RFX1: variants seen among roughly 807,000 people sequenced by gnomAD.
RFX1 encodes the protein regulatory factor X1, also known as MHC class II regulatory factor RFX1.
In RFX1, 42 loss-of-function variants were observed where a neutral mutation model predicts 119.6. The observed-to-expected ratio is 0.35, with a 90% CI of 0.27 to 0.45. RFX1 has a LOEUF of 0.45. Among genes scored for constraint, RFX1 ranks in the 20% least tolerant of loss-of-function variants. The pLI is 1.00. For synonymous variants in RFX1, 628 were observed against 618.5 expected (o/e 1.02, Z -0.23); for missense variants, 1,118 against 1,368.1 (o/e 0.82, Z 2.88).
intron 9 of RFX1, among the ~76,000 whole-genome samples, chr19:13,970,472 G>A (rs1175022808): frequency 6.6e-6 from 1 of 151,480 alleles, no homozygotes. Flanking sequence ...CCCAGGCTGG[G>A]CAACATAGGG....
chr19:13,963,233 G>A lies in RFX1; in HGVS notation c.2613C>T (p.Ser871=), dbSNP rs1973772049. The A allele has an allele frequency of 6.2e-7, 1 of 1,612,346 alleles. No homozygotes were observed. Among genetic ancestry groups the A allele is most frequent in the Non-Finnish European group, 8.5e-7 (1 of 1,179,474 alleles). The change falls in exon 19 of 21, where the codon AGC becomes AGT. Residue 871 remains serine (S), a synonymous_variant. Transcript: ENST00000254325. ...GCCGGATGAGGTGGAAGGAACCGAA[G>A]CTGGCGGCGCTGCGCAGGGTCAGGT... is the stretch of plus-strand genomic sequence containing the variant. ...IRDLTLRSAA[S]FGSFHLIRLL...
intron 1 of RFX1, among the ~76,000 whole-genome samples, chr19:14,002,314 C>CA (rs753879311): frequency 0.027 from 1,519 of 55,476 alleles, 38 homozygotes; most frequent in African/African-American, 0.061. Flanking sequence ...GACTCTGTCT[C>CA]AAAAAAAAAA....
chr19:13,993,276 C>G (rs760432676), intron 2 of RFX1, among the ~76,000 whole-genome samples: 9 of 152,078 alleles, frequency 5.9e-5, no homozygotes, highest in Non-Finnish European at 1.2e-4. Context: ...GCCTGGGCAA[C>G]AGAATGAGAC....
rs941771252 is a variant in RFX1 at position 13,990,904 on chromosome 19, A to G, written c.319+2621T>C. On this transcript the variant is annotated intron_variant, in intron 2 of 20. Transcript: ENST00000254325. This position sits in a 1 kb window ranked among gnomAD's most constrained non-coding sequence, Gnocchi z 4.1. ...AGGCTGTGAGAGTATCACTGAGCCC[A>G]GGAGTTGGAGGTTACAGTGAGCCAT... 3.3e-5 allele frequency among the ~76,000 whole-genome samples: 5 copies of G among 152,136 alleles called. No homozygotes were observed. The highest frequency in any genetic ancestry group is 5.9e-5 in the Non-Finnish European group (4 of 68,018).
intron 8 of RFX1, among the ~76,000 whole-genome samples, chr19:13,976,441 C>G (rs998661698): frequency 6.6e-6 from 1 of 152,212 alleles, no homozygotes; most frequent in Non-Finnish European, 1.5e-5. Context: ...CGGCGAGGAG[C>G]CCGAGCCGGG....
chr19:14,000,375 A>C (rs1975175948), intron 1 of RFX1, among the ~76,000 whole-genome samples: 1 of 152,096 alleles, frequency 6.6e-6, no homozygotes, highest in African/African-American at 2.4e-5. Flanking sequence ...AATCCCAGCT[A>C]CTCAGGAGGC....
chr19:13,983,626 C>T lies in RFX1; in HGVS notation c.320-31G>A, dbSNP rs752808423. ...GGGAGGGGCCACCAGGTCAGTTCTT[C>T]CTGCTTTCCCTGCCCCCAGCCTAAG... On this transcript the variant is annotated intron_variant, in intron 2 of 20. Coordinates refer to ENST00000254325, the MANE Select transcript of RFX1 (RefSeq NM_002918.5). 33 of 1,518,758 alleles carry T rather than the reference C, an allele frequency of 2.2e-5. No homozygotes were observed. In the East Asian group the frequency reaches 5.9e-4, roughly 27 times the overall value. The allele number at this position is 1,518,758 out of a possible 1,614,324, so 94.1% of individuals were successfully genotyped here.
rs1435966584 is a variant in RFX1 at position 13,967,747 on chromosome 19, G to A, written c.1732+818C>T. Among the ~76,000 whole-genome samples, 3 of 152,192 alleles carry A rather than the reference G, an allele frequency of 2.0e-5. 1 individual carries two copies. In the South Asian group the frequency reaches 6.2e-4, roughly 32 times the overall value. On this transcript the variant is annotated intron_variant, in intron 12 of 20. Coordinates refer to ENST00000254325, the MANE Select transcript of RFX1 (RefSeq NM_002918.5). ...CCAGCCTCGGCCTCCCAAAGTGCTGGGATTACAGACATGAACCACTGCACC... is the reference window on the plus strand; with the variant it reads ...CCAGCCTCGGCCTCCCAAAGTGCTGAGATTACAGACATGAACCACTGCACC...
At chr19:13,975,718 G>A (rs1651377076) in intron 8 of RFX1, among the ~76,000 whole-genome samples, 1 of 152,234 alleles carries the variant, frequency 6.6e-6, no homozygotes, top group Admixed American at 6.5e-5. Flanking sequence ...TTGGTAGATG[G>A]TTGCTGAATG....
chr19:13,994,415 CT>C (rs1489525739), intron 1 of RFX1, among the ~76,000 whole-genome samples: 1 of 152,076 alleles, frequency 6.6e-6, no homozygotes, highest in Non-Finnish European at 1.5e-5. Flanking sequence ...GTTAGTTCAT[CT>C]TTTTAAAATG....
intron 2 of RFX1, among the ~76,000 whole-genome samples, chr19:13,989,018 C>T (rs2145609419): frequency 6.6e-6 from 1 of 152,080 alleles, no homozygotes; most frequent in South Asian, 2.1e-4. Context: ...GAGACTTTGT[C>T]TCAAAAACAA....
At chr19:14,002,910 C>T (rs982243921) in intron 1 of RFX1, among the ~76,000 whole-genome samples, 3 of 152,202 alleles carry the variant, frequency 2.0e-5, no homozygotes, top group Non-Finnish European at 2.9e-5. Context: ...ACCGTTCCCA[C>T]AATGTCCACA....
Position 13,963,188 on chromosome 19 carries a change from C to A in RFX1, c.2658G>T (p.Met886Ile). Residue 886 changes from methionine to isoleucine, a missense_variant, in exon 19 of 21, where the codon ATG becomes ATT. Coordinates refer to ENST00000254325, the MANE Select transcript of RFX1 (RefSeq NM_002918.5). ...CTACGCGGTGCTCGATCAGGTAGTA[C>A]ATGTACTCGTCGTAGAGCAGCCGGA... ...HLIRLLYDEY[M>I]YYLIEHRVAQ... is the part of the protein sequence containing the mutation. The A allele has an allele frequency of 6.2e-7, 1 of 1,612,758 alleles. No individual in the cohort carries two copies. Among genetic ancestry groups the A allele is most frequent in the Non-Finnish European group, 8.5e-7 (1 of 1,179,448 alleles).
chr19:13,981,264 C>T (rs1974422643), intron 5 of RFX1, among the ~76,000 whole-genome samples: 1 of 152,182 alleles, frequency 6.6e-6, no homozygotes, highest in Non-Finnish European at 1.5e-5. Context: ...GTGGTTGATA[C>T]CATCAGTTGT....
chr19:13,982,991 C>T (rs891712685), intron 4 of RFX1, 196 bp downstream of exon 4: 5 of 572,510 alleles, frequency 8.7e-6, no homozygotes, highest in African/African-American at 5.7e-5. Context: ...GCTCCTGCAG[C>T]TCCTCTGTCC....
chr19:14,004,872 T>C (rs1000810363), intron 1 of RFX1, among the ~76,000 whole-genome samples: 2 of 152,070 alleles, frequency 1.3e-5, no homozygotes, highest in Non-Finnish European at 2.9e-5. Flanking sequence ...TGGCAGGATA[T>C]TGTCACCCTA....
chr19:13,980,771 A>T lies in RFX1; in HGVS notation c.622-82T>A. 8 of 262,262 alleles carry T rather than the reference A, an allele frequency of 3.1e-5. No homozygotes were observed. The highest frequency in any genetic ancestry group is 8.2e-5 in the South Asian group (1 of 12,134). The allele number at this position is 262,262 out of a possible 1,614,324, so 16.2% of individuals were successfully genotyped here. On this transcript the variant is annotated intron_variant, in intron 5 of 20. Coordinates refer to ENST00000254325, the MANE Select transcript of RFX1 (RefSeq NM_002918.5). This position sits in a 1 kb window ranked among gnomAD's most constrained non-coding sequence, Gnocchi z 5.1. ...GTGGGCTCACACACACACCCTTCTC[A>T]GGAGAGCTGTCTGGGGAGGGCGGCA... is the stretch of plus-strand genomic sequence containing the variant.
rs778846577 is a variant in RFX1 at position 13,963,316 on chromosome 19, G to A, written c.2571-41C>T. 34 of 1,572,470 alleles carry A rather than the reference G, an allele frequency of 2.2e-5. No individual in the cohort carries two copies. The Admixed American group carries it at 2.7e-4, about 13-fold the overall frequency. Reference sequence around the variant, plus strand: ...GAGAGGAGACCGTCAGGCCCCGTCCGGCCCGACCCCCTCTCCCCCTCCCCG... The same window carrying A: ...GAGAGGAGACCGTCAGGCCCCGTCCAGCCCGACCCCCTCTCCCCCTCCCCG... On this transcript the variant is annotated intron_variant, in intron 18 of 20. Transcript: ENST00000254325.
intron 1 of RFX1, among the ~76,000 whole-genome samples, chr19:13,994,719 ATGTGTGTGTGTGTGTGTG>A (rs35165719): frequency 5.6e-5 from 7 of 126,000 alleles, no homozygotes; most frequent in African/African-American, 1.9e-4. Flanking sequence ...CTAAATATAT[ATGTGTGTGTGTGTGTGTG>A]TGTGTGTGTG....
Sources: allele counts gnomAD v4.1 joint callset (sites outside exome capture counted in the v4.1 genomes callset), GRCh38; gene constraint gnomAD v4.1.1; non-coding constraint Gnocchi (gnomAD v3.1); transcripts MANE v1.5; gene names NCBI Gene and HGNC (gene_info 2026-07-23, HGNC 2026-07-21).